PDZD2: variants seen among roughly 807,000 people sequenced by gnomAD.
The protein encoded by PDZD2 is PDZ domain-containing protein 2.
In PDZD2, 90 loss-of-function variants were observed where a neutral mutation model predicts 220.7. The ratio of observed to expected loss-of-function variants is 0.41; its 90% CI spans 0.34 to 0.49. PDZD2 has a LOEUF of 0.49. Among genes scored for constraint, PDZD2 ranks in the 20% least tolerant of loss-of-function variants. The pLI, the probability that PDZD2 is intolerant of heterozygous loss-of-function variation, is 0.28. For missense variants in PDZD2, 3,174 were observed against 3,608.5 expected (o/e 0.88, Z 3.08); for synonymous variants, 1,375 against 1,450.5 (o/e 0.95, Z 1.18).
chr5:31,691,260 C>T (rs892426541), intron 1 of PDZD2, among the ~76,000 whole-genome samples: 3 of 151,900 alleles, frequency 2.0e-5, no homozygotes, highest in Admixed American at 6.6e-5. Context: ...TTGTTCGTTC[C>T]TCCCGGTGGG....
chr5:31,948,739 G>T (rs1463075174), intron 2 of PDZD2, among the ~76,000 whole-genome samples: 1 of 152,164 alleles, frequency 6.6e-6, no homozygotes, highest in African/African-American at 2.4e-5. Context: ...CTGAGGTCAT[G>T]TGATTCTGTA....
Position 32,000,602 on chromosome 5 carries a change from C to T in PDZD2, c.1254+331C>T, listed in dbSNP as rs1246429630. 6.6e-6 allele frequency among the ~76,000 whole-genome samples: 1 copy of T among 152,170 alleles called. No individual in the cohort carries two copies. Among genetic ancestry groups the T allele is most frequent in the Admixed American group, 6.5e-5 (1 of 15,282 alleles). Reference sequence around the variant, plus strand: ...CTCGGCTCACCGCAACCTCCACCTTCCGGATTCAAGCAGTTCTCCTGCCTC... The same window carrying T: ...CTCGGCTCACCGCAACCTCCACCTTTCGGATTCAAGCAGTTCTCCTGCCTC... On this transcript the variant is annotated intron_variant, in intron 5 of 24. Coordinates refer to ENST00000438447, the MANE Select transcript of PDZD2 (RefSeq NM_178140.4). The surrounding 1 kb of genome is among the most constrained non-coding windows in gnomAD (Gnocchi z 4.5).
chr5:31,908,642 T>TCA, intron 2 of PDZD2: 1 of 1,056,528 alleles, frequency 9.5e-7, no homozygotes. Context: ...GGTTACGTGA[T>TCA]ATCAAAGACA....
intron 1 of PDZD2, among the ~76,000 whole-genome samples, chr5:31,662,778 C>T (rs1005164012): frequency 1.2e-4 from 18 of 152,294 alleles, no homozygotes; most frequent in African/African-American, 2.6e-4. Flanking sequence ...TACAGGCGCC[C>T]ACCACCACGC....
intron 19 of PDZD2, among the ~76,000 whole-genome samples, chr5:32,084,951 T>A (rs1218170306): frequency 1.6e-5 from 1 of 63,080 alleles, no homozygotes; most frequent in Non-Finnish European, 3.0e-5. Context: ...CTGTTGCCTT[T>A]TTTTTTTTTT....
chr5:31,901,795 T>C lies in PDZD2; in HGVS notation c.477-81360T>C, dbSNP rs539145959. 3.3e-4 allele frequency among the ~76,000 whole-genome samples: 51 copies of C among 152,350 alleles called. No individual in the cohort carries two copies. The South Asian group carries it at 0.01, about 31-fold the overall frequency. ...TCCCCTACAAACTCCTCAGCCCCTG[T>C]CAACCACTCTTTGATTTGCTATCTC... On this transcript the variant is annotated intron_variant, in intron 2 of 24. Coordinates refer to ENST00000438447, the MANE Select transcript of PDZD2 (RefSeq NM_178140.4).
chr5:32,005,452 G>A lies in PDZD2; in HGVS notation c.1255-4878G>A, dbSNP rs1342380400. Among the ~76,000 whole-genome samples the A allele has an allele frequency of 7.3e-5, 10 of 136,396 alleles. No homozygotes were observed. In the East Asian group the frequency reaches 8.2e-4, roughly 11 times the overall value. The allele number at this position is 136,396 out of a possible 152,430, so 89.5% of individuals were successfully genotyped here. On this transcript the variant is annotated intron_variant, in intron 5 of 24. Transcript: ENST00000438447. ...ATATATCAGTACAGATCTCTTGCTC[G>A]CTTTTTTGCTTTTTTCACTCTTGGT...
At chr5:31,987,984 C>G (rs1302609757) in intron 3 of PDZD2, among the ~76,000 whole-genome samples, 2 of 152,194 alleles carry the variant, frequency 1.3e-5, no homozygotes, top group African/African-American at 2.4e-5. Context: ...TCTCTTTACT[C>G]CCATAACTTC....
intron 2 of PDZD2, among the ~76,000 whole-genome samples, chr5:31,845,962 C>T (rs561351874): frequency 7.9e-5 from 12 of 152,266 alleles, no homozygotes; most frequent in African/African-American, 2.9e-4. Flanking sequence ...AAAGATGTTC[C>T]AGAGGCACCA....
At chr5:31,662,783 C>T (rs994498579) in intron 1 of PDZD2, among the ~76,000 whole-genome samples, 2 of 152,212 alleles carry the variant, frequency 1.3e-5, no homozygotes, top group African/African-American at 4.8e-5. Flanking sequence ...GCGCCCACCA[C>T]CACGCCCAGC....
intron 2 of PDZD2, chr5:31,936,108 A>G: frequency 1.0e-6 from 1 of 987,414 alleles, no homozygotes; most frequent in Non-Finnish European, 1.2e-6. Context: ...GGAGCTCAGG[A>G]GGTGAAGCCG....
intron 2 of PDZD2, among the ~76,000 whole-genome samples, chr5:31,967,120 G>A (rs764059170): frequency 6.6e-6 from 1 of 152,222 alleles, no homozygotes; most frequent in Non-Finnish European, 1.5e-5. Context: ...GCACAAGGTG[G>A]AAGCAGGCTC....
intron 2 of PDZD2, among the ~76,000 whole-genome samples, chr5:31,841,180 T>C (rs1212472821): frequency 1.3e-5 from 2 of 148,344 alleles, no homozygotes; most frequent in Non-Finnish European, 3.0e-5. Flanking sequence ...TGGTCTATTT[T>C]GTCCTGAACT....
At chr5:32,002,603 CCACACACACACCAA>C (rs1326354778) in intron 5 of PDZD2, among the ~76,000 whole-genome samples, 4 of 131,718 alleles carry the variant, frequency 3.0e-5, no homozygotes, top group Non-Finnish European at 7.0e-5. Flanking sequence ...CACACACACA[CCACACACACACCAA>C]CACACACCAA....
intron 24 of PDZD2, among the ~76,000 whole-genome samples, chr5:32,106,871 T>C (rs1378475546): frequency 2.0e-5 from 3 of 152,214 alleles, no homozygotes; most frequent in African/African-American, 7.2e-5. Flanking sequence ...ACAGGGCTGA[T>C]ATTGGTGAGG....
chr5:31,929,429 C>T (rs1745058555), intron 2 of PDZD2, among the ~76,000 whole-genome samples: 1 of 152,250 alleles, frequency 6.6e-6, no homozygotes, highest in African/African-American at 2.4e-5. Flanking sequence ...ATGCCAGCAG[C>T]AATGCCCCAC....
chr5:31,689,407 C>T (rs1279529505), intron 1 of PDZD2, among the ~76,000 whole-genome samples: 1 of 125,898 alleles, frequency 7.9e-6, no homozygotes, highest in Non-Finnish European at 1.6e-5. Context: ...ATTGGCCAGG[C>T]TGGTCTCAAA....
At chr5:31,973,970 GTTTGT>G (rs1003583061) in intron 2 of PDZD2, among the ~76,000 whole-genome samples, 1 of 152,098 alleles carries the variant, frequency 6.6e-6, no homozygotes, top group East Asian at 1.9e-4. Context: ...CTGCAATGAG[GTTTGT>G]TTTGTTTTGT....
chr5:32,017,739 CT>C (rs1219808407), intron 6 of PDZD2, among the ~76,000 whole-genome samples: 1 of 152,134 alleles, frequency 6.6e-6, no homozygotes, highest in Non-Finnish European at 1.5e-5. Context: ...GAATTTAGGA[CT>C]TGGTTTTTTA....
Sources: gnomAD v4.1 joint callset for allele counts (sites outside exome capture counted in the v4.1 genomes callset) on GRCh38, gnomAD v4.1.1 for gene constraint, Gnocchi (gnomAD v3.1) non-coding constraint, MANE v1.5 for transcripts, NCBI Gene and HGNC (gene_info 2026-07-23, HGNC 2026-07-21) for gene names.